The following PHACTR4 variants were observed in gnomAD, a reference collection of about 807,000 sequenced individuals.
PHACTR4 encodes protein phosphatase 1, regulatory subunit 124.
PHACTR4 carries 51 observed loss-of-function variants against 72.7 expected under a neutral mutation model. The ratio of observed to expected loss-of-function variants is 0.70; its 90% CI spans 0.56 to 0.89. PHACTR4 has a LOEUF of 0.89. Ranked by LOEUF, PHACTR4 falls within the 40% of genes least tolerant of loss-of-function variation. The pLI is 0.00. For missense variants in PHACTR4, 731 were observed against 861.8 expected (o/e 0.85, Z 1.90); for synonymous variants, 255 against 302.5 (o/e 0.84, Z 1.63).
At position 28,480,596 on chromosome 1, in the gene PHACTR4, A is replaced by T; in HGVS notation, c.1752A>T (p.Thr584=). 1 of 1,614,068 alleles carries T rather than the reference A, an allele frequency of 6.2e-7. No individual in the cohort carries two copies. Among genetic ancestry groups the T allele is most frequent in the Non-Finnish European group, 8.5e-7 (1 of 1,179,994 alleles). The change falls in exon 9 of 14, where the codon ACA becomes ACT. Residue 584 remains threonine, a synonymous_variant. Transcript: ENST00000373839. ...AAATACGGCACCAGATTGGAAACAC[A>T]CTGATCCGGTAGGCCTTTGCTTAGA... ...WNEIRHQIGN[T]LIRRLSQRPT...
chr1:28,421,393 GTTTTTTTT>G (rs578085922), intron 2 of PHACTR4, among the ~76,000 whole-genome samples: 1 of 143,278 alleles, frequency 7.0e-6, no homozygotes, highest in Admixed American at 7.0e-5. Flanking sequence ...GGGTTTTTTT[GTTTTTTTT>G]TTTTTGATTC....
chr1:28,491,977 G>A (rs1661066717), intron 12 of PHACTR4, among the ~76,000 whole-genome samples, 190 bp downstream of exon 12: 1 of 152,076 alleles, frequency 6.6e-6, no homozygotes, highest in African/African-American at 2.4e-5. Context: ...AGTATGTTTT[G>A]GTAACTCCAC....
chr1:28,499,065 CAAA>C lies in PHACTR4; in HGVS notation c.*2532_*2534del, dbSNP rs879042110. 34 of 82,256 alleles carry C rather than the reference CAAA, an allele frequency of 4.1e-4. No individual in the cohort carries two copies. The highest frequency in any genetic ancestry group is 8.7e-4 in the Admixed American group (6 of 6,914). 5.1% of individuals were successfully genotyped at this position (82,256 alleles called of 1,614,324 possible). ...CCTGGGCAACAGAGCGAGACTCCAT[CAAA>C]AAAAAAAAAAAAAAAGAAGGAAGGA... On this transcript the variant is annotated 3_prime_UTR_variant, in exon 14 of 14. Coordinates refer to ENST00000373839, the MANE Select transcript of PHACTR4 (RefSeq NM_001048183.3).
At position 28,402,271 on chromosome 1, in the gene PHACTR4, A is replaced by G. The variant is rs529901791; in HGVS notation, c.-38-5139A>G. On this transcript the variant is annotated intron_variant, in intron 1 of 13. Transcript: ENST00000373839. ...CATGAATAGGGAATACCTGGGGGGGAAAAAATTGGGAGTGGGAAATCAAGA... is the reference window on the plus strand; with the variant it reads ...CATGAATAGGGAATACCTGGGGGGGGAAAAATTGGGAGTGGGAAATCAAGA... 3.3e-3 allele frequency among the ~76,000 whole-genome samples: 487 copies of G among 147,906 alleles called. 2 individuals are homozygous for G. The highest frequency in any genetic ancestry group is 0.011 in the African/African-American group (433 of 40,994).
In PHACTR4 at chr1:28,490,998, C is replaced by T. The variant is rs776370271; in HGVS notation, c.1864C>T (p.Arg622Trp). The T allele has an allele frequency of 1.4e-5, 22 of 1,613,656 alleles. No individual in the cohort carries two copies. Among genetic ancestry groups the T allele is most frequent in the Admixed American group, 3.3e-5 (2 of 60,000 alleles). The change falls in exon 11 of 14, where the codon CGG (arginine) becomes TGG (tryptophan). Residue 622 changes from arginine to tryptophan, a missense_variant. Coordinates refer to ENST00000373839, the MANE Select transcript of PHACTR4 (RefSeq NM_001048183.3). ...RQAEKREIKRRLTRKLSQRPT... is the reference protein window; with the variant it reads ...RQAEKREIKRWLTRKLSQRPT... Reference sequence around the variant, plus strand: ...GGCAGAAAAACGAGAAATTAAACGTCGGCTCACTAGAAAGGTACTACTGCC... The same window carrying T: ...GGCAGAAAAACGAGAAATTAAACGTTGGCTCACTAGAAAGGTACTACTGCC...
At chr1:28,380,303 G>A (rs979466103) in intron 1 of PHACTR4, among the ~76,000 whole-genome samples, 2 of 151,642 alleles carry the variant, frequency 1.3e-5, no homozygotes, top group African/African-American at 4.9e-5. Flanking sequence ...TGATCCGCCC[G>A]CCTCGGCCTC....
At chr1:28,440,616 A>G (rs1217175867) in intron 2 of PHACTR4, among the ~76,000 whole-genome samples, 2 of 151,768 alleles carry the variant, frequency 1.3e-5, no homozygotes, top group African/African-American at 4.8e-5. Flanking sequence ...TAAGTTTTTT[A>G]TGTTTCCTCT....
intron 2 of PHACTR4, among the ~76,000 whole-genome samples, chr1:28,415,156 G>A (rs529151140): frequency 1.2e-4 from 18 of 152,014 alleles, no homozygotes; most frequent in African/African-American, 4.3e-4. Flanking sequence ...AGCTACTTGG[G>A]AGGCTGAGGC....
intron 2 of PHACTR4, among the ~76,000 whole-genome samples, chr1:28,426,663 CA>C (rs557879584): frequency 4.0e-4 from 49 of 123,452 alleles, no homozygotes; most frequent in African/African-American, 3.3e-4. Context: ...GACTCCGTCT[CA>C]AAAAAAAAAA....
At chr1:28,394,037 AAAAC>A (rs531264678) in intron 1 of PHACTR4, among the ~76,000 whole-genome samples, 58 of 152,198 alleles carry the variant, frequency 3.8e-4, no homozygotes, top group African/African-American at 1.3e-3. Flanking sequence ...AGTTAACTGT[AAAAC>A]AGCCTCTGGC....
chr1:28,396,892 C>T (rs979042796), intron 1 of PHACTR4, among the ~76,000 whole-genome samples: 5 of 145,584 alleles, frequency 3.4e-5, no homozygotes, highest in Non-Finnish European at 6.0e-5. Flanking sequence ...GGGGTTTCAC[C>T]GTGTTGGCCA....
chr1:28,467,475 G>A (rs1046884761), intron 6 of PHACTR4, among the ~76,000 whole-genome samples: 4 of 151,894 alleles, frequency 2.6e-5, no homozygotes, highest in Non-Finnish European at 5.9e-5. Context: ...AATTATCTGT[G>A]GCACTTGCTG....
intron 2 of PHACTR4, among the ~76,000 whole-genome samples, chr1:28,456,874 G>A (rs375654612): frequency 2.6e-5 from 4 of 151,630 alleles, no homozygotes; most frequent in East Asian, 1.9e-4. Context: ...GCAACAGAAC[G>A]AAACCCTGTC....
intron 1 of PHACTR4, among the ~76,000 whole-genome samples, chr1:28,401,745 C>T (rs927447240): frequency 6.6e-6 from 1 of 152,066 alleles, no homozygotes; most frequent in Admixed American, 6.6e-5. Context: ...ACTACAGGCA[C>T]GCACCACCAC....
chr1:28,441,101 T>C (rs146639615), intron 2 of PHACTR4, among the ~76,000 whole-genome samples: 2 of 152,308 alleles, frequency 1.3e-5, no homozygotes, highest in African/African-American at 4.8e-5. Flanking sequence ...TATGTAGATA[T>C]TATTCATGTC....
chr1:28,486,689 A>T (rs2124542690), intron 9 of PHACTR4, among the ~76,000 whole-genome samples: 1 of 152,158 alleles, frequency 6.6e-6, no homozygotes, highest in Non-Finnish European at 1.5e-5. Context: ...CAACATGCTG[A>T]AACCCCATCT....
chr1:28,463,400 C>A (rs1258268652), intron 4 of PHACTR4, among the ~76,000 whole-genome samples: 3 of 152,154 alleles, frequency 2.0e-5, no homozygotes, highest in Admixed American at 6.6e-5. Context: ...AAGTAGACAT[C>A]CCTGATTAAG....
intron 2 of PHACTR4, among the ~76,000 whole-genome samples, chr1:28,447,002 T>TTTTATTTATTTATTTATTTATTTATTTA (rs760091619): frequency 2.7e-5 from 4 of 150,712 alleles, no homozygotes; most frequent in African/African-American, 9.9e-5. Context: ...AGGTATTTCT[T>TTTTATTTATTTATTTATTTATTTATTTA]TTTATTTATT....
At chr1:28,445,115 C>T (rs190558036) in intron 2 of PHACTR4, among the ~76,000 whole-genome samples, 23 of 150,520 alleles carry the variant, frequency 1.5e-4, no homozygotes, top group East Asian at 1.4e-3. Flanking sequence ...CCAGCATGCC[C>T]GACTAATTTT....
Sources: allele counts gnomAD v4.1 joint callset (sites outside exome capture counted in the v4.1 genomes callset), GRCh38; gene constraint gnomAD v4.1.1; transcripts MANE v1.5; gene names NCBI Gene and HGNC (gene_info 2026-07-23, HGNC 2026-07-21).